The following KALRN variants were observed in gnomAD, a reference collection of about 807,000 sequenced individuals.
KALRN encodes the protein kalirin.
Under a neutral mutation model 353.7 loss-of-function variants are expected in KALRN, and 70 were observed. The ratio of observed to expected loss-of-function variants is 0.20; its 90% CI spans 0.16 to 0.24. The LOEUF is 0.24. Ranked by LOEUF, KALRN falls within the 10% of genes least tolerant of loss-of-function variation. The pLI, the probability that KALRN is intolerant of heterozygous loss-of-function variation, is 1.00. For missense variants in KALRN, 2,791 were observed against 3,756.7 expected (o/e 0.74, Z 6.72); for synonymous variants, 1,391 against 1,434.8 (o/e 0.97, Z 0.69).
intron 1 of KALRN, among the ~76,000 whole-genome samples, chr3:124,108,636 A>AT (rs897154986): frequency 6.6e-6 from 1 of 152,192 alleles, no homozygotes; most frequent in African/African-American, 2.4e-5. Context: ...CCATTGTTTA[A>AT]TTGATTGTAG....
At chr3:124,307,393 A>G (rs2077808065) in intron 6 of KALRN, among the ~76,000 whole-genome samples, 1 of 152,120 alleles carries the variant, frequency 6.6e-6, no homozygotes. Context: ...CTCAGCTTCT[A>G]TAAAAGACAT....
chr3:124,505,554 G>A (rs547052850), intron 33 of KALRN, among the ~76,000 whole-genome samples: 19 of 152,250 alleles, frequency 1.2e-4, no homozygotes, highest in Non-Finnish European at 2.4e-4. Flanking sequence ...GACTGCTTGA[G>A]CCCAAGAGAT....
chr3:124,444,134 C>T (rs1310752973), intron 19 of KALRN, among the ~76,000 whole-genome samples: 1 of 152,224 alleles, frequency 6.6e-6, no homozygotes, highest in East Asian at 1.9e-4. Context: ...GGCTGAGGAG[C>T]AGCATCTCAA....
intron 14 of KALRN, among the ~76,000 whole-genome samples, chr3:124,418,371 T>A (rs2092616562): frequency 6.6e-6 from 1 of 152,148 alleles, no homozygotes; most frequent in South Asian, 2.1e-4. Context: ...CAGATTTTTT[T>A]TAACTTCCCA....
At chr3:124,569,312 TC>T (rs1425613010) in intron 34 of KALRN, among the ~76,000 whole-genome samples, 1 of 152,146 alleles carries the variant, frequency 6.6e-6, no homozygotes, top group Non-Finnish European at 1.5e-5. Context: ...AGGAACAGCT[TC>T]CCCATGCTGC....
chr3:124,184,686 A>G (rs929577308), intron 1 of KALRN, among the ~76,000 whole-genome samples: 2 of 152,158 alleles, frequency 1.3e-5, no homozygotes, highest in Non-Finnish European at 2.9e-5. Context: ...ACTTATGTTT[A>G]TATTCCGGTT....
At chr3:124,147,416 G>A (rs146624953) in intron 1 of KALRN, among the ~76,000 whole-genome samples, 19 of 152,254 alleles carry the variant, frequency 1.2e-4, no homozygotes, top group South Asian at 6.2e-4. Flanking sequence ...GTTTGCCTCC[G>A]TGTTATTTCA....
At chr3:124,658,392 G>A in intron 41 of KALRN, 39 bp from the exon 42 acceptor site, 1 of 1,483,218 alleles carries the variant, frequency 6.7e-7, no homozygotes, top group Non-Finnish European at 9.4e-7. Flanking sequence ...AAAGACACAA[G>A]ATGCCTGACT....
rs575172556 is a variant in KALRN at position 124,060,042 on chromosome 3, T to C, written c.73+26229T>C. Among the ~76,000 whole-genome samples the C allele has an allele frequency of 4.6e-5, 7 of 152,330 alleles. No homozygotes were observed. The East Asian group carries it at 1.3e-3, about 29-fold the overall frequency. ...TCAGCCTGGTTGCCATTCTCTAGGT[T>C]GCCAGACTTCTCCTGAGAATCTCTT... On this transcript the variant is annotated intron_variant, in intron 1 of 59. Transcript: ENST00000682506.
intron 34 of KALRN, among the ~76,000 whole-genome samples, chr3:124,624,764 G>T (rs1413938086): frequency 5.3e-5 from 8 of 152,192 alleles, no homozygotes; most frequent in Admixed American, 5.2e-4. Flanking sequence ...GGTGAGGGAG[G>T]GGGAAAATTG....
chr3:124,219,600 T>A lies in KALRN; in HGVS notation c.74-8390T>A, dbSNP rs1042021694. On this transcript the variant is annotated intron_variant, in intron 1 of 59. Transcript: ENST00000682506. ...GAACATTTTTTTCCCCTTTTTGTGTTGAAATCAGGTTAGCAGAGGCTCCTG... is the reference window on the plus strand; with the variant it reads ...GAACATTTTTTTCCCCTTTTTGTGTAGAAATCAGGTTAGCAGAGGCTCCTG... Among the ~76,000 whole-genome samples the A allele has an allele frequency of 5.9e-5, 9 of 152,210 alleles. No individual in the cohort carries two copies. The South Asian group carries it at 6.2e-4, about 11-fold the overall frequency.
intron 4 of KALRN, among the ~76,000 whole-genome samples, chr3:124,266,000 A>G (rs1260868232): frequency 6.6e-6 from 1 of 152,154 alleles, no homozygotes; most frequent in Non-Finnish European, 1.5e-5. Flanking sequence ...CTGTAATCCA[A>G]GCTACTCAAG....
intron 34 of KALRN, among the ~76,000 whole-genome samples, chr3:124,625,974 C>G (rs929578358): frequency 1.3e-5 from 2 of 151,786 alleles, no homozygotes; most frequent in Non-Finnish European, 2.9e-5. Context: ...CCAGCTACAC[C>G]AGAGGTTGAG....
rs182527097 is a variant in KALRN, at chr3:124,241,211, G to T, written c.263+6268G>T. On this transcript the variant is annotated intron_variant, in intron 3 of 59. Transcript: ENST00000682506. ...TGTTTATCCTTCTTTTGCTTTTTGG[G>T]AGGTATAGTTCAGCACATATTTTCA... Among the ~76,000 whole-genome samples, 46 of 152,214 alleles carry T rather than the reference G, an allele frequency of 3.0e-4. 1 individual carries two copies. The highest frequency in any genetic ancestry group is 1.1e-3 in the African/African-American group (44 of 41,548).
At chr3:124,658,015 C>T (rs946326490) in intron 41 of KALRN, among the ~76,000 whole-genome samples, 1 of 152,114 alleles carries the variant, frequency 6.6e-6, no homozygotes, top group Non-Finnish European at 1.5e-5. Context: ...TTAACCAAGG[C>T]TGGTGGCACA....
chr3:124,321,273 C>G (rs1372532765), intron 6 of KALRN, among the ~76,000 whole-genome samples: 1 of 152,208 alleles, frequency 6.6e-6, no homozygotes, highest in East Asian at 1.9e-4. Flanking sequence ...ATAATACCTT[C>G]TCTTGGCAAT....
intron 34 of KALRN, chr3:124,584,941 TAGCC>T (rs760943603): frequency 1.3e-5 from 21 of 1,568,996 alleles, no homozygotes; most frequent in Non-Finnish European, 1.7e-5. Context: ...TGCCTTCTGT[TAGCC>T]AGACTGGTCG....
At chr3:124,435,187 A>G (rs1424130272) in intron 17 of KALRN, among the ~76,000 whole-genome samples, 2 of 152,260 alleles carry the variant, frequency 1.3e-5, no homozygotes, top group Non-Finnish European at 2.9e-5. Context: ...GGAGAGGAGA[A>G]TGAATAGTTG....
intron 1 of KALRN, among the ~76,000 whole-genome samples, chr3:124,058,465 C>A (rs1242307404): frequency 1.3e-5 from 2 of 152,096 alleles, no homozygotes; most frequent in African/African-American, 2.4e-5. Flanking sequence ...ACTAAAGATA[C>A]CCATTTATCT....
Sources: gnomAD v4.1 joint callset for allele counts (sites outside exome capture counted in the v4.1 genomes callset) on GRCh38, gnomAD v4.1.1 for gene constraint, MANE v1.5 for transcripts, NCBI Gene and HGNC (gene_info 2026-07-23, HGNC 2026-07-21) for gene names.